The following SEMA4C variants were observed in gnomAD, a reference collection of about 807,000 sequenced individuals.
SEMA4C encodes semaphorin 4C.
A neutral mutation model predicts 89.0 loss-of-function variants in SEMA4C; 19 were observed. The observed-to-expected ratio is 0.21, with a 90% CI of 0.15 to 0.31. The LOEUF (loss-of-function observed/expected upper bound fraction) is 0.31, where lower values mean the gene tolerates loss of function less well. Among genes scored for constraint, SEMA4C ranks in the 10% least tolerant of loss-of-function variants. The probability of loss-of-function intolerance (pLI) is 1.00; values close to 1 mark genes in which losing one functional copy is unlikely to be tolerated. For missense variants in SEMA4C, 811 were observed against 1,107.0 expected (o/e 0.73, Z 3.79); for synonymous variants, 428 against 472.7 (o/e 0.91, Z 1.23).
chr2:96,865,394 C>T lies in SEMA4C; in HGVS notation c.517+47G>A, dbSNP rs772253265. ...CCGGCCAACACAGACCCAAGTGGAACCAAGCCCCAAGGACTCACCCAGCCT... is the reference window on the plus strand; with the variant it reads ...CCGGCCAACACAGACCCAAGTGGAATCAAGCCCCAAGGACTCACCCAGCCT... On this transcript the variant is annotated intron_variant, in intron 6 of 14. Transcript: ENST00000305476. 1.2e-5 allele frequency: 19 copies of T among 1,611,374 alleles called. No individual in the cohort carries two copies. The East Asian group carries it at 4.2e-4, about 36-fold the overall frequency.
rs772340025 is a variant in SEMA4C at position 96,861,925 on chromosome 2, T to TC, written c.1444-32dup. 7.5e-5 allele frequency: 115 copies of TC among 1,532,120 alleles called. No individual in the cohort carries two copies. The highest frequency in any genetic ancestry group is 9.9e-5 in the Non-Finnish European group (111 of 1,122,004). 94.9% of individuals were successfully genotyped at this position (1,532,120 alleles called of 1,614,324 possible). ...AGAAAAGCGGGGCGCAGGAGGGGGG[T>TC]CGGCCAGGGCCACACCACGGGAGGG... On this transcript the variant is annotated intron_variant, in intron 12 of 14. Coordinates refer to ENST00000305476, the MANE Select transcript of SEMA4C (RefSeq NM_017789.5). The surrounding 1 kb of genome is among the most constrained non-coding windows in gnomAD (Gnocchi z 7.8).
rs1172713179 is a variant in SEMA4C, at chr2:96,860,590, C to T, written c.*36G>A. 1 of 1,551,426 alleles carries T rather than the reference C, an allele frequency of 6.4e-7. No homozygotes were observed. Among genetic ancestry groups the T allele is most frequent in the East Asian group, 2.3e-5 (1 of 44,376 alleles). The stretch of plus-strand genomic sequence containing the variant: ...GCCTGTGCAAAAGTAGGAGCTACAC[C>T]TCCCACGCTTCCCGCCGACGCGGTG... On this transcript the variant is annotated 3_prime_UTR_variant, in exon 15 of 15. Transcript: ENST00000305476.
chr2:96,868,982 C>T (rs932909008), intron 1 of SEMA4C: 3 of 985,290 alleles, frequency 3.0e-6, no homozygotes, highest in African/African-American at 1.7e-5. Flanking sequence ...AAAGGGTCCC[C>T]GCCAAGACCC....
intron 1 of SEMA4C, chr2:96,869,613 G>A (rs1179843293): frequency 1.0e-6 from 1 of 985,166 alleles, no homozygotes; most frequent in Non-Finnish European, 1.2e-6. Flanking sequence ...GGACCGGACC[G>A]CGCGAGGAAC....
At chr2:96,869,231 C>T in intron 1 of SEMA4C, 1 of 985,386 alleles carries the variant, frequency 1.0e-6, no homozygotes, top group Non-Finnish European at 1.2e-6. Flanking sequence ...AGGATCCGCC[C>T]GGCAGCGGTG....
chr2:96,869,675 G>A, intron 1 of SEMA4C: 1 of 985,166 alleles, frequency 1.0e-6, no homozygotes, highest in Middle Eastern at 5.2e-4. Context: ...CAGGTGCTGT[G>A]CGCCCCACTC....
In SEMA4C at chr2:96,865,776, A is replaced by G. The variant is rs1304959242; in HGVS notation, c.322-12T>C. On this transcript the variant is annotated splice_polypyrimidine_tract_variant and intron_variant, in intron 4 of 14. Transcript: ENST00000305476. ...TTGAAGCACTCGGTCTGGGGGCAGA[A>G]AGGTGTCCGGTTAGTGAGAGCGCGA... 6.2e-6 allele frequency: 10 copies of G among 1,613,922 alleles called. No homozygotes were observed. The highest frequency in any genetic ancestry group is 7.6e-6 in the Non-Finnish European group (9 of 1,179,958).
At chr2:96,869,374 C>G (rs1160596899) in intron 1 of SEMA4C, 1 of 985,170 alleles carries the variant, frequency 1.0e-6, no homozygotes, top group Non-Finnish European at 1.2e-6. Flanking sequence ...GACCGCGGCC[C>G]TCCCTGCAGG....
At chr2:96,866,217 A>T in intron 3 of SEMA4C, 66 bp downstream of exon 3, 1 of 1,534,886 alleles carries the variant, frequency 6.5e-7, no homozygotes, top group Non-Finnish European at 8.8e-7. Flanking sequence ...CCACCTAGCC[A>T]AGCACAGCCC....
chr2:96,865,846 G>A, intron 4 of SEMA4C, 21 bp downstream of exon 4: 5 of 1,614,050 alleles, frequency 3.1e-6, no homozygotes, highest in Non-Finnish European at 4.2e-6. Flanking sequence ...GCAGCACCAG[G>A]AGCAGCGTCC....
chr2:96,868,120 G>A (rs1247578200), intron 1 of SEMA4C, among the ~76,000 whole-genome samples, 197 bp from the exon 2 acceptor site: 2 of 152,236 alleles, frequency 1.3e-5, no homozygotes, highest in Non-Finnish European at 1.5e-5. Context: ...CCTGGGAAGC[G>A]GGGAGGAGTT....
In SEMA4C at chr2:96,860,402, CAG is replaced by C. The variant is rs2079913604; in HGVS notation, c.*222_*223del. The C allele has an allele frequency of 3.8e-6, 2 of 524,732 alleles. No homozygotes were observed. Among genetic ancestry groups the C allele is most frequent in the African/African-American group, 1.9e-5 (1 of 52,342 alleles). 32.5% of individuals were successfully genotyped at this position (524,732 alleles called of 1,614,324 possible). ...TGGGGTCCCGCGTGTCTGTGATTCACAGAGAGGAGGAAGATGCCTTCTGCGAG... is the reference window on the plus strand; with the variant it reads ...TGGGGTCCCGCGTGTCTGTGATTCACAGAGGAGGAAGATGCCTTCTGCGAG... On this transcript the variant is annotated 3_prime_UTR_variant, in exon 15 of 15. Coordinates refer to ENST00000305476, the MANE Select transcript of SEMA4C (RefSeq NM_017789.5).
upstream of SEMA4C, chr2:96,870,248 T>C: frequency 1.0e-6 from 1 of 985,396 alleles, no homozygotes; most frequent in Non-Finnish European, 1.2e-6. Flanking sequence ...CCTCTCTGGG[T>C]GCCCGGACCT....
chr2:96,861,133 C>T lies in SEMA4C; in HGVS notation c.1995G>A (p.Val665=), dbSNP rs754763193. Residue 665 remains valine, a synonymous_variant, in exon 15 of 15, where the codon GTG becomes GTA. Transcript: ENST00000305476. This position sits in a 1 kb window ranked among gnomAD's most constrained non-coding sequence, Gnocchi z 7.8. ...ARAPLENLGL[V]WLAVVALGAV... is the part of the protein sequence containing the mutation. ...CCCCCAGGGCCACCACCGCCAGCCA[C>T]ACCAGCCCCAGGTTTTCCAGGGGGG... is the stretch of plus-strand genomic sequence containing the variant. 1.3e-5 allele frequency: 21 copies of T among 1,611,524 alleles called. No individual in the cohort carries two copies. The highest frequency in any genetic ancestry group is 1.4e-5 in the Non-Finnish European group (17 of 1,179,720).
chr2:96,870,025 C>G lies in SEMA4C; in HGVS notation c.-187G>C. On this transcript the variant is annotated 5_prime_UTR_variant, in exon 1 of 15. Coordinates refer to ENST00000305476, the MANE Select transcript of SEMA4C (RefSeq NM_017789.5). ...CCGCCCCTCCGTCCCCGCCCGGCTC[C>G]GCGCCCCTAGGCTCGGGCTCCCCGC... 1.0e-6 allele frequency: 1 copy of G among 985,524 alleles called. No individual in the cohort carries two copies. Among genetic ancestry groups the G allele is most frequent in the Non-Finnish European group, 1.2e-6 (1 of 829,520 alleles). 61.0% of individuals were successfully genotyped at this position (985,524 alleles called of 1,614,324 possible). A position where few individuals can be genotyped will look rare whatever the true frequency, so the allele number is the denominator to read the frequency against.
chr2:96,865,420 G>A lies in SEMA4C; in HGVS notation c.517+21C>T, dbSNP rs74930713. On this transcript the variant is annotated intron_variant, in intron 6 of 14. Transcript: ENST00000305476. ...CAAGCCCCAAGGACTCACCCAGCCT[G>A]CATGGGGGGCAGCCACTCACCCACA... 5.5e-3 allele frequency: 8,809 copies of A among 1,611,670 alleles called. 400 individuals are homozygous for A. The African/African-American group carries it at 0.1, about 19-fold the overall frequency.
At chr2:96,869,054 C>T in intron 1 of SEMA4C, 2 of 985,428 alleles carry the variant, frequency 2.0e-6, no homozygotes, top group African/African-American at 3.5e-5. Flanking sequence ...GCAAACAAAG[C>T]GGCGGCGCGG....
chr2:96,867,395 C>A (rs1281216818), intron 2 of SEMA4C, among the ~76,000 whole-genome samples: 2 of 152,166 alleles, frequency 1.3e-5, no homozygotes, highest in Non-Finnish European at 2.9e-5. Flanking sequence ...CCAGGGCCAC[C>A]AGAGTGTATG....
Position 96,860,072 on chromosome 2 carries a change from A to G in SEMA4C, c.*554T>C, listed in dbSNP as rs2079906245. 7.7e-6 allele frequency: 1 copy of G among 130,310 alleles called. No homozygotes were observed. The highest frequency in any genetic ancestry group is 1.6e-5 in the Non-Finnish European group (1 of 64,038). The allele number at this position is 130,310 out of a possible 1,614,324, so 8.1% of individuals were successfully genotyped here. On this transcript the variant is annotated 3_prime_UTR_variant, in exon 15 of 15. Coordinates refer to ENST00000305476, the MANE Select transcript of SEMA4C (RefSeq NM_017789.5). ...CAGCCCTAGGAGCAGGACTAGGCCC[A>G]CCCCAAGCCCTGCACTCCCTCTGAA...
Sources: allele counts gnomAD v4.1 joint callset (sites outside exome capture counted in the v4.1 genomes callset), GRCh38; gene constraint gnomAD v4.1.1; non-coding constraint Gnocchi (gnomAD v3.1); transcripts MANE v1.5; gene names NCBI Gene and HGNC (gene_info 2026-07-23, HGNC 2026-07-21).